The following GRM1 variants were observed in gnomAD, a reference collection of about 807,000 sequenced individuals.
The protein encoded by GRM1 is glutamate metabotropic receptor 1.
A neutral mutation model predicts 90.9 loss-of-function variants in GRM1; 33 were observed. The observed-to-expected ratio is 0.36, with a 90% CI of 0.28 to 0.49. GRM1 has a LOEUF of 0.49. Ranked by LOEUF, GRM1 falls within the 20% of genes least tolerant of loss-of-function variation. The probability of loss-of-function intolerance (pLI) is 0.99; values close to 1 mark genes in which losing one functional copy is unlikely to be tolerated. For synonymous variants in GRM1, 700 were observed against 613.2 expected (o/e 1.14, Z -2.09); for missense variants, 1,190 against 1,534.3 (o/e 0.78, Z 3.75).
intron 1 of GRM1, among the ~76,000 whole-genome samples, chr6:146,144,437 C>G (rs907950608): frequency 5.9e-5 from 9 of 152,296 alleles, no homozygotes; most frequent in African/African-American, 2.2e-4. Flanking sequence ...CACACTCAAC[C>G]TCTTCACCAT....
chr6:146,176,906 A>G (rs1255789716), intron 2 of GRM1, among the ~76,000 whole-genome samples: 1 of 152,100 alleles, frequency 6.6e-6, no homozygotes, highest in Non-Finnish European at 1.5e-5. Context: ...AAGTTACTTA[A>G]CCTTTCTCTA....
chr6:146,353,123 G>A (rs377454522), intron 4 of GRM1, among the ~76,000 whole-genome samples: 8 of 152,164 alleles, frequency 5.3e-5, no homozygotes, highest in African/African-American at 1.7e-4. Flanking sequence ...TCTCCAAGCC[G>A]TTTTACATAC....
In GRM1 at chr6:146,040,190, A is replaced by G. The variant is rs537351695; in HGVS notation, c.700+9973A>G. Among the ~76,000 whole-genome samples the G allele has an allele frequency of 1.2e-3, 182 of 152,106 alleles. 1 individual carries two copies. Among genetic ancestry groups the G allele is most frequent in the Non-Finnish European group, 2.1e-3 (142 of 67,928 alleles). On this transcript the variant is annotated intron_variant, in intron 1 of 7. Coordinates refer to ENST00000282753, the MANE Select transcript of GRM1 (RefSeq NM_001278064.2). Reference sequence around the variant, plus strand: ...GAAGAACCTCATGTTATGAAAGCCAATGGAGGAGACAGTTTTGATAATAGA... The same window carrying G: ...GAAGAACCTCATGTTATGAAAGCCAGTGGAGGAGACAGTTTTGATAATAGA...
At chr6:146,030,874 T>C (rs1018146285) in intron 1 of GRM1, among the ~76,000 whole-genome samples, 6 of 152,198 alleles carry the variant, frequency 3.9e-5, no homozygotes, top group Non-Finnish European at 5.9e-5. Context: ...TCATCCAGAT[T>C]CCCTCACTCC....
intron 3 of GRM1, among the ~76,000 whole-genome samples, chr6:146,341,756 G>T (rs1784990068): frequency 6.6e-6 from 1 of 152,180 alleles, no homozygotes; most frequent in African/African-American, 2.4e-5. Flanking sequence ...GTAAGCTTGT[G>T]CAAGGTCACT....
intron 1 of GRM1, among the ~76,000 whole-genome samples, chr6:146,037,338 T>C (rs546487838): frequency 6.6e-6 from 1 of 151,952 alleles, no homozygotes; most frequent in African/African-American, 2.4e-5. Context: ...CTATAGACTT[T>C]AGGAAACTTT....
intron 1 of GRM1, among the ~76,000 whole-genome samples, chr6:146,143,415 T>C (rs533065283): frequency 2.0e-5 from 3 of 152,288 alleles, no homozygotes; most frequent in Non-Finnish European, 2.9e-5. Flanking sequence ...CTTGGAGGGA[T>C]AGGAGAACAG....
At chr6:146,039,804 G>T (rs1478926516) in intron 1 of GRM1, among the ~76,000 whole-genome samples, 3 of 151,918 alleles carry the variant, frequency 2.0e-5, no homozygotes, top group Non-Finnish European at 4.4e-5. Flanking sequence ...TGAATGATTG[G>T]TTATGAGAAT....
At chr6:146,089,391 C>T (rs1205917428) in intron 1 of GRM1, among the ~76,000 whole-genome samples, 3 of 152,088 alleles carry the variant, frequency 2.0e-5, no homozygotes, top group Non-Finnish European at 4.4e-5. Flanking sequence ...GAGACCTCAA[C>T]TGCAGCCTTA....
chr6:146,338,522 T>A (rs902955523), intron 3 of GRM1, among the ~76,000 whole-genome samples: 1 of 152,340 alleles, frequency 6.6e-6, no homozygotes, highest in Non-Finnish European at 1.5e-5. Context: ...GTAGGACTCA[T>A]GAGCTTATGT....
At chr6:146,028,232 AGTGTGTGTGTGTGTGTGTGT>A (rs60190108), upstream of GRM1, among the ~76,000 whole-genome samples, 4 of 130,284 alleles carry the variant, frequency 3.1e-5, no homozygotes, top group Non-Finnish European at 1.6e-5. Context: ...AGTGGAAGGG[AGTGTGTGTGTGTGTGTGTGT>A]GTGTGTGTGT....
chr6:146,197,206 A>G (rs1289086380), intron 2 of GRM1, among the ~76,000 whole-genome samples: 2 of 152,218 alleles, frequency 1.3e-5, no homozygotes, highest in African/African-American at 2.4e-5. Context: ...TCAGCAAACA[A>G]TGAGTAGCAA....
At chr6:146,395,706 C>T (rs1166235779) in intron 6 of GRM1, among the ~76,000 whole-genome samples, 4 of 152,096 alleles carry the variant, frequency 2.6e-5, no homozygotes, top group African/African-American at 4.8e-5. Context: ...ATACCAGTTT[C>T]TTTAATTCAA....
chr6:146,379,887 C>G (rs1032788374), intron 5 of GRM1, among the ~76,000 whole-genome samples: 3 of 151,934 alleles, frequency 2.0e-5, no homozygotes, highest in African/African-American at 7.3e-5. Flanking sequence ...TTACCAGAGA[C>G]TCTTGTTCTC....
chr6:146,073,340 G>A (rs967926153), intron 1 of GRM1, among the ~76,000 whole-genome samples: 1 of 152,126 alleles, frequency 6.6e-6, no homozygotes, highest in Non-Finnish European at 1.5e-5. Flanking sequence ...CATAGTTAAA[G>A]CATACTTTCT....
chr6:146,052,459 C>G (rs1775326569), intron 1 of GRM1, among the ~76,000 whole-genome samples: 1 of 151,930 alleles, frequency 6.6e-6, no homozygotes, highest in Non-Finnish European at 1.5e-5. Context: ...CACAGCCCTT[C>G]CCATGGGGAG....
At chr6:146,191,676 T>C (rs1209447596) in intron 2 of GRM1, among the ~76,000 whole-genome samples, 2 of 152,186 alleles carry the variant, frequency 1.3e-5, no homozygotes, top group Admixed American at 6.5e-5. Flanking sequence ...ATTAATCTTT[T>C]TGTTTTGTGT....
At chr6:146,154,681 A>G (rs1397890825) in intron 1 of GRM1, among the ~76,000 whole-genome samples, 2 of 152,334 alleles carry the variant, frequency 1.3e-5, no homozygotes, top group East Asian at 3.9e-4. Flanking sequence ...AGATGTTGAC[A>G]TTGAAGTCCC....
intron 2 of GRM1, among the ~76,000 whole-genome samples, chr6:146,262,643 G>T (rs1048097607): frequency 6.6e-6 from 1 of 151,730 alleles, no homozygotes; most frequent in Non-Finnish European, 1.5e-5. Context: ...GTATGTGTAT[G>T]TATATGCATA....
Sources: gnomAD v4.1 joint callset for allele counts (sites outside exome capture counted in the v4.1 genomes callset) on GRCh38, gnomAD v4.1.1 for gene constraint, MANE v1.5 for transcripts, NCBI Gene and HGNC (gene_info 2026-07-23, HGNC 2026-07-21) for gene names.